SMOC2: variants seen among roughly 807,000 people sequenced by gnomAD.
SMOC2 encodes SPARC related modular calcium binding 2, also known as SPARC-related modular calcium-binding protein 2.
Under a neutral mutation model 61.4 loss-of-function variants are expected in SMOC2, and 39 were observed. The ratio of observed to expected loss-of-function variants is 0.64; its 90% CI spans 0.49 to 0.83. The LOEUF (loss-of-function observed/expected upper bound fraction) is 0.83. SMOC2 is among the 40% of genes least tolerant of loss of function. The probability of loss-of-function intolerance (pLI) is 0.00; values close to 1 mark genes in which losing one functional copy is unlikely to be tolerated. For missense variants in SMOC2, 556 were observed against 592.9 expected, an observed-to-expected ratio of 0.94 and a Z score of 0.65; for synonymous variants, 247 against 239.9, an observed-to-expected ratio of 1.03 and a Z score of -0.27.
rs923831336 is a variant in SMOC2, at chr6:168,441,213, G to A, written c.-158G>A. On this transcript the variant is annotated 5_prime_UTR_variant, in exon 1 of 13. Transcript: ENST00000356284. ...CGGAGGACCTCTGGGTGCCTGCAGGGGAGCTGCTCCAGCCGGGCCGCCGGG... is the reference window on the plus strand; with the variant it reads ...CGGAGGACCTCTGGGTGCCTGCAGGAGAGCTGCTCCAGCCGGGCCGCCGGG... The A allele has an allele frequency of 9.9e-5, 114 of 1,150,234 alleles. No individual in the cohort carries two copies. Among genetic ancestry groups the A allele is most frequent in the Non-Finnish European group, 1.2e-4 (107 of 885,020 alleles). 71.3% of individuals were successfully genotyped at this position (1,150,234 alleles called of 1,614,324 possible).
At position 168,475,794 on chromosome 6, in the gene SMOC2, C is replaced by T. The variant is rs182715121; in HGVS notation, c.85-34121C>T. On this transcript the variant is annotated intron_variant, in intron 1 of 12. Transcript: ENST00000356284. This position sits in a 1 kb window ranked among gnomAD's most constrained non-coding sequence, Gnocchi z 4.6. Reference sequence around the variant, plus strand: ...AGGCAGGAGAGGGAGACAACGTCTCCGGAGCCAGTGGGTGGGAGCCGCAGG... The same window carrying T: ...AGGCAGGAGAGGGAGACAACGTCTCTGGAGCCAGTGGGTGGGAGCCGCAGG... Among the ~76,000 whole-genome samples, 407 of 152,102 alleles carry T rather than the reference C, an allele frequency of 2.7e-3. 13 individuals carry two copies. The East Asian group carries it at 0.05, about 19-fold the overall frequency.
Position 168,544,541 on chromosome 6 carries a change from T to C in SMOC2, c.511+869T>C, listed in dbSNP as rs1380021690. 6.6e-6 allele frequency among the ~76,000 whole-genome samples: 1 copy of C among 152,050 alleles called. No individual in the cohort carries two copies. The highest frequency in any genetic ancestry group is 1.5e-5 in the Non-Finnish European group (1 of 68,006). On this transcript the variant is annotated intron_variant, in intron 5 of 12. Coordinates refer to ENST00000356284, the MANE Select transcript of SMOC2 (RefSeq NM_001166412.2). The surrounding 1 kb of genome is among the most constrained non-coding windows in gnomAD (Gnocchi z 4.1). ...GACAAAAATTAACCAGGCATGGTGGTGCATGCCTGTAATCCCAGGTAGTCA... is the reference window on the plus strand; with the variant it reads ...GACAAAAATTAACCAGGCATGGTGGCGCATGCCTGTAATCCCAGGTAGTCA...
At chr6:168,562,462 A>G (rs1361858122) in intron 7 of SMOC2, among the ~76,000 whole-genome samples, 8 of 150,516 alleles carry the variant, frequency 5.3e-5, no homozygotes, top group African/African-American at 2.0e-4. Context: ...AGGAGGTGTC[A>G]TTTTCCTGCC....
At chr6:168,516,227 A>G (rs1783131356) in intron 2 of SMOC2, among the ~76,000 whole-genome samples, 1 of 152,218 alleles carries the variant, frequency 6.6e-6, no homozygotes, top group Admixed American at 6.5e-5. Context: ...GCGGTAGTTT[A>G]CACTGATGCA....
intron 7 of SMOC2, among the ~76,000 whole-genome samples, chr6:168,597,497 A>G (rs886652535): frequency 5.3e-5 from 8 of 152,200 alleles, no homozygotes; most frequent in African/African-American, 1.9e-4. Flanking sequence ...AATCCCCAGA[A>G]CAATCCTTTC....
chr6:168,556,744 C>G (rs1421630671), intron 7 of SMOC2, among the ~76,000 whole-genome samples: 1 of 97,266 alleles, frequency 1.0e-5, no homozygotes, highest in Non-Finnish European at 1.9e-5. Context: ...CCTCCCCCCT[C>G]CCCCCACCCC....
At chr6:168,589,266 G>T (rs1785117975) in intron 7 of SMOC2, among the ~76,000 whole-genome samples, 1 of 152,184 alleles carries the variant, frequency 6.6e-6, no homozygotes, top group African/African-American at 2.4e-5. Flanking sequence ...TTAAGGTGTT[G>T]GCTGACACTA....
rs9456164 is a variant in SMOC2, at chr6:168,533,735, T to C, written c.463+6008T>C. Among the ~76,000 whole-genome samples the C allele has an allele frequency of 3.5e-3, 534 of 152,306 alleles. 6 individuals are homozygous for C. Among genetic ancestry groups the C allele is most frequent in the South Asian group, 0.028 (134 of 4,824 alleles). On this transcript the variant is annotated intron_variant, in intron 4 of 12. Coordinates refer to ENST00000356284, the MANE Select transcript of SMOC2 (RefSeq NM_001166412.2). ...TTCTTTAGCCTTCGTAGGTCTTTTC[T>C]TGAAAAGTGAAAGTTATTAAAGTAA...
chr6:168,563,237 A>T (rs1321398866), intron 7 of SMOC2, among the ~76,000 whole-genome samples: 1 of 152,218 alleles, frequency 6.6e-6, no homozygotes, highest in Non-Finnish European at 1.5e-5. Context: ...GAGCTTAAGC[A>T]CACACGTGCA....
intron 9 of SMOC2, among the ~76,000 whole-genome samples, chr6:168,614,542 A>AGG (rs202131957): frequency 2.3e-5 from 2 of 85,660 alleles, no homozygotes; most frequent in African/African-American, 4.9e-5. Context: ...CAGCCAGCAC[A>AGG]GGGCCTCTTC....
rs200147367 is a variant in SMOC2, at chr6:168,529,207, C to CT, written c.463+1489dup. ...ATCATCTCACTGTATAGAAATATTC[C>CT]TTTTTTTTTAACTGCCTACGTGGAA... is the stretch of plus-strand genomic sequence containing the variant. On this transcript the variant is annotated intron_variant, in intron 4 of 12. Coordinates refer to ENST00000356284, the MANE Select transcript of SMOC2 (RefSeq NM_001166412.2). Among the ~76,000 whole-genome samples, 776 of 151,562 alleles carry CT rather than the reference C, an allele frequency of 5.1e-3. 5 individuals are homozygous for CT. Among genetic ancestry groups the CT allele is most frequent in the African/African-American group, 0.017 (712 of 41,324 alleles).
rs182912693 is a variant in SMOC2 at position 168,522,355 on chromosome 6, C to A, written c.257-3991C>A. ...TCTACTCCATCATTTCTACTTTTTA[C>A]CCAAAAGACTTGAAAACAGGCGTTC... On this transcript the variant is annotated intron_variant, in intron 2 of 12. Coordinates refer to ENST00000356284, the MANE Select transcript of SMOC2 (RefSeq NM_001166412.2). 1.9e-4 allele frequency among the ~76,000 whole-genome samples: 29 copies of A among 152,248 alleles called. No individual in the cohort carries two copies. The East Asian group carries it at 5.0e-3, about 26-fold the overall frequency.
At chr6:168,537,612 C>T (rs539951370) in intron 4 of SMOC2, among the ~76,000 whole-genome samples, 1 of 152,370 alleles carries the variant, frequency 6.6e-6, no homozygotes, top group South Asian at 2.1e-4. Flanking sequence ...CGCTAGGACT[C>T]ACCCCAGGAG....
chr6:168,665,377 AGCCAGCTGC>A (rs1787636678), intron 12 of SMOC2, among the ~76,000 whole-genome samples: 1 of 152,258 alleles, frequency 6.6e-6, no homozygotes, highest in Non-Finnish European at 1.5e-5. Context: ...CTAACGGGCA[AGCCAGCTGC>A]GGCTCCTACC....
chr6:168,462,333 G>T (rs915525758), intron 1 of SMOC2, among the ~76,000 whole-genome samples: 2 of 152,184 alleles, frequency 1.3e-5, no homozygotes, highest in Non-Finnish European at 2.9e-5. Context: ...CAATGAAGCT[G>T]CAATGAGGTT....
chr6:168,483,081 AATTGGAAAGGAAGGCATACAC>A (rs1459611777), intron 1 of SMOC2, among the ~76,000 whole-genome samples: 1 of 152,030 alleles, frequency 6.6e-6, no homozygotes, highest in Non-Finnish European at 1.5e-5. Context: ...AATAAATACA[AATTGGAAAGGAAGGCATACAC>A]ATTGGAAAGG....
chr6:168,661,248 C>T (rs1025855880), intron 11 of SMOC2, among the ~76,000 whole-genome samples: 1 of 152,130 alleles, frequency 6.6e-6, no homozygotes, highest in African/African-American at 2.4e-5. Context: ...AATATCCACA[C>T]TGTTGCTAAG....
At chr6:168,637,345 C>A (rs990506007) in intron 9 of SMOC2, among the ~76,000 whole-genome samples, 1 of 152,154 alleles carries the variant, frequency 6.6e-6, no homozygotes, top group African/African-American at 2.4e-5. Flanking sequence ...ATCACTGTTT[C>A]TGCAGTTTCC....
intron 7 of SMOC2, among the ~76,000 whole-genome samples, chr6:168,595,491 G>A (rs1041989707): frequency 4.6e-5 from 7 of 152,186 alleles, no homozygotes; most frequent in Admixed American, 1.3e-4. Context: ...TGCGTTCTGG[G>A]GTGCCCCAGG....
Sources: allele counts gnomAD v4.1 joint callset (sites outside exome capture counted in the v4.1 genomes callset), GRCh38; gene constraint gnomAD v4.1.1; non-coding constraint Gnocchi (gnomAD v3.1); transcripts MANE v1.5; gene names NCBI Gene and HGNC (gene_info 2026-07-23, HGNC 2026-07-21).